GRM6: variants seen among roughly 807,000 people sequenced by gnomAD.
GRM6 encodes glutamate metabotropic receptor 6, also known as metabotropic glutamate receptor 6.
Under a neutral mutation model 78.4 loss-of-function variants are expected in GRM6, and 73 were observed. The observed-to-expected ratio is 0.93, with a 90% CI of 0.77 to 1.13. The LOEUF (loss-of-function observed/expected upper bound fraction) is 1.13, where lower values mean the gene tolerates loss of function less well. GRM6 is among the 50% of genes most tolerant of loss of function. GRM6 has a pLI of 0.00. For synonymous variants in GRM6, 580 were observed against 555.0 expected (o/e 1.05, Z -0.63); for missense variants, 1,251 against 1,256.4 (o/e 1.00, Z 0.07).
rs770999753 is a variant in GRM6 at position 178,994,666 on chromosome 5, C to G, written c.279G>C (p.Ala93=). The change falls in exon 2 of 11, where the codon GCG becomes GCC. Residue 93 remains alanine (A), a synonymous_variant. Coordinates refer to ENST00000517717, the MANE Select transcript of GRM6 (RefSeq NM_000843.4). The part of the protein sequence containing the change: ...PELLPGVRLG[A]RLLDTCSRDT... ...CCCGCGAGCAGGTGTCCAGCAGCCG[C>G]GCGCCCAGGCGCACGCCGGGCAGCA... The G allele has an allele frequency of 6.8e-7, 1 of 1,467,166 alleles. No individual in the cohort carries two copies. Among genetic ancestry groups the G allele is most frequent in the South Asian group, 1.3e-5 (1 of 78,262 alleles). 90.9% of individuals were successfully genotyped at this position (1,467,166 alleles called of 1,614,324 possible).
At chr5:178,989,805 C>A in intron 5 of GRM6, 1 of 328,354 alleles carries the variant, frequency 3.0e-6, no homozygotes, top group South Asian at 2.8e-5. Flanking sequence ...GACTATGAGA[C>A]CATAAGCAGG....
In GRM6 at chr5:178,981,782, C is replaced by G; in HGVS notation, c.2509G>C (p.Val837Leu). 1 of 1,612,850 alleles carries G rather than the reference C, an allele frequency of 6.2e-7. No homozygotes were observed. Among genetic ancestry groups the G allele is most frequent in the Non-Finnish European group, 8.5e-7 (1 of 1,178,870 alleles). The part of the protein sequence containing the change: ...SASVSLGMLY[V>L]PKTYVILFHP... ...AAGAGGATGACGTAGGTTTTGGGTACGTAGAGCATGCCGAGGGACACCGAG... is the reference window on the plus strand; with the variant it reads ...AAGAGGATGACGTAGGTTTTGGGTAGGTAGAGCATGCCGAGGGACACCGAG... The change falls in exon 11 of 11, where the codon GTA becomes CTA. Residue 837 changes from valine (V) to leucine (L), a missense_variant. Coordinates refer to ENST00000517717, the MANE Select transcript of GRM6 (RefSeq NM_000843.4). The surrounding 1 kb of genome is among the most constrained non-coding windows in gnomAD (Gnocchi z 5.1).
At position 178,981,213 on chromosome 5, in the gene GRM6, A is replaced by G. The variant is rs1284699127; in HGVS notation, c.*444T>C. ...GCCCCAGGTCTCCTCTTGCTGAGAC[A>G]GCTCCTCCTCCACTCCAACCCCATG... On this transcript the variant is annotated 3_prime_UTR_variant, in exon 11 of 11. Transcript: ENST00000517717. This position sits in a 1 kb window ranked among gnomAD's most constrained non-coding sequence, Gnocchi z 5.1. 1.0e-5 allele frequency: 2 copies of G among 192,014 alleles called. No homozygotes were observed. Among genetic ancestry groups the G allele is most frequent in the Non-Finnish European group, 2.2e-5 (2 of 92,418 alleles). The allele number at this position is 192,014 out of a possible 1,614,324, so 11.9% of individuals were successfully genotyped here.
chr5:178,991,513 C>G lies in GRM6; in HGVS notation c.768G>C (p.Lys256Asn), dbSNP rs754758541. 6.2e-7 allele frequency: 1 copy of G among 1,613,762 alleles called. No homozygotes were observed. The highest frequency in any genetic ancestry group is 8.5e-7 in the Non-Finnish European group (1 of 1,179,856). The change falls in exon 4 of 11, where the codon AAG becomes AAC. Residue 256 changes from lysine to asparagine, a missense_variant. Lys to Asn is a moderately conservative substitution (Grantham distance 94). Coordinates refer to ENST00000517717, the MANE Select transcript of GRM6 (RefSeq NM_000843.4). The surrounding 1 kb of genome is among the most constrained non-coding windows in gnomAD (Gnocchi z 5.0). Reference protein sequence around the residue: ...AQSIKIPREPKPGEFSKVIRR... With the variant: ...AQSIKIPREPNPGEFSKVIRR... ...TGATCACCTTGCTGAACTCTCCTGG[C>G]TTTGGTTCCCTGGGAATCTTGATAG...
At position 178,991,598 on chromosome 5, in the gene GRM6, C is replaced by G. The variant is rs2113342410; in HGVS notation, c.722-39G>C. 4 of 1,610,028 alleles carry G rather than the reference C, an allele frequency of 2.5e-6. No individual in the cohort carries two copies. The highest frequency in any genetic ancestry group is 3.4e-6 in the Non-Finnish European group (4 of 1,176,806). ...GTGCCAGAGTCAGCTTCCGTCCCACCCACCCACACACCCACCTGGCCACCG... is the reference window on the plus strand; with the variant it reads ...GTGCCAGAGTCAGCTTCCGTCCCACGCACCCACACACCCACCTGGCCACCG... On this transcript the variant is annotated intron_variant, in intron 3 of 10. Transcript: ENST00000517717. This position sits in a 1 kb window ranked among gnomAD's most constrained non-coding sequence, Gnocchi z 5.0.
rs62638200 is a variant in GRM6, at chr5:178,994,609, G to C, written c.336C>G (p.Phe112Leu). ...DTYALEQALS[F>L]VQALIRGRGD... ...CGCGGCCGCGGATCAGCGCCTGCAC[G>C]AAGCTCAGCGCCTGCTCCAGCGCGT... The change falls in exon 2 of 11, where the codon TTC becomes TTG. Residue 112 changes from phenylalanine (F) to leucine (L), a missense_variant. Transcript: ENST00000517717. 2.1e-6 allele frequency: 3 copies of C among 1,430,740 alleles called. No homozygotes were observed. Among genetic ancestry groups the C allele is most frequent in the Non-Finnish European group, 2.7e-6 (3 of 1,093,114 alleles). 88.6% of individuals were successfully genotyped at this position (1,430,740 alleles called of 1,614,324 possible).
chr5:178,982,734 G>A (rs996060592), intron 10 of GRM6, 176 bp downstream of exon 10: 44 of 582,130 alleles, frequency 7.6e-5, no homozygotes, highest in Admixed American at 1.2e-4. Context: ...GTTAAGAAGA[G>A]GGGTTAGAAG....
rs192606239 is a variant in GRM6, at chr5:178,985,619, C to A, written c.2124+511G>T. On this transcript the variant is annotated intron_variant, in intron 9 of 10. Coordinates refer to ENST00000517717, the MANE Select transcript of GRM6 (RefSeq NM_000843.4). ...TCGGGAGGCTGAGGCAGGAGAATGG[C>A]GTGAACCCGGAAGGCAGAGCTTGCA... is the stretch of plus-strand genomic sequence containing the variant. The A allele has an allele frequency of 4.2e-5, 15 of 360,070 alleles. 1 individual carries two copies. The Middle Eastern group carries it at 2.6e-3, about 63-fold the overall frequency. 22.3% of individuals were successfully genotyped at this position (360,070 alleles called of 1,614,324 possible). A position where few individuals can be genotyped will look rare whatever the true frequency, so the allele number is the denominator to read the frequency against.
At chr5:178,986,056 C>T (rs1760533639) in intron 9 of GRM6, 74 bp downstream of exon 9, 1 of 1,399,950 alleles carries the variant, frequency 7.1e-7, no homozygotes, top group Non-Finnish European at 9.8e-7. Context: ...GCCACTGTGC[C>T]TGGCCCTTTT....
At position 178,988,978 on chromosome 5, in the gene GRM6, A is replaced by G; in HGVS notation, c.1311T>C (p.Asp437=). Reference sequence around the variant, plus strand: ...GAATGTACTGCAGAAGCATCCGCCCATCAGTGGGTTCCATCGCCGGGCACA... The same window carrying G: ...GAATGTACTGCAGAAGCATCCGCCCGTCAGTGGGTTCCATCGCCGGGCACA... ...TGLCPAMEPT[D]GRMLLQYIRA... is the part of the protein sequence containing the mutation. The change falls in exon 7 of 11, where the codon GAT becomes GAC. Residue 437 remains aspartate, a synonymous_variant. Coordinates refer to ENST00000517717, the MANE Select transcript of GRM6 (RefSeq NM_000843.4). This position sits in a 1 kb window ranked among gnomAD's most constrained non-coding sequence, Gnocchi z 6.0. 1.2e-6 allele frequency: 2 copies of G among 1,614,018 alleles called. No individual in the cohort carries two copies. The highest frequency in any genetic ancestry group is 8.5e-7 in the Non-Finnish European group (1 of 1,179,974).
At position 178,986,746 on chromosome 5, in the gene GRM6, G is replaced by T. The variant is rs370684140; in HGVS notation, c.1508C>A (p.Ala503Asp). The stretch of plus-strand genomic sequence containing the variant: ...GTGGGGGTCGCCAGACCACTGCAGG[G>T]CCTCCACCTGGGACGCACAAAACAC... ...WAETLRLDVE[A>D]LQWSGDPHEV... The change falls in exon 9 of 11, where the codon GCC (alanine) becomes GAC (aspartate). Residue 503 changes from alanine to aspartate, a missense_variant. Transcript: ENST00000517717. 4 of 1,607,370 alleles carry T rather than the reference G, an allele frequency of 2.5e-6. No homozygotes were observed. Among genetic ancestry groups the T allele is most frequent in the African/African-American group, 1.3e-5 (1 of 74,928 alleles).
intron 5 of GRM6, chr5:178,989,739 C>G (rs1446722746): frequency 2.4e-6 from 1 of 408,834 alleles, no homozygotes; most frequent in African/African-American, 2.0e-5. Context: ...CTCCTTCTTT[C>G]CTGTTAGGAT....
Position 178,989,065 on chromosome 5 carries a change from C to T in GRM6, c.1224G>A (p.Val408=), listed in dbSNP as rs777720380. Residue 408 remains valine (V), a synonymous_variant, in exon 7 of 11, where the codon GTG becomes GTA. Transcript: ENST00000517717. ...EGKVQFVIDA[V]YAIAHALHSM... ...TGTGGAGGGCGTGGGCAATGGCGTA[C>T]ACCGCATCAATCACAAACTGCACCT... is the stretch of plus-strand genomic sequence containing the variant. The T allele has an allele frequency of 3.1e-6, 5 of 1,613,990 alleles. No homozygotes were observed. The highest frequency in any genetic ancestry group is 4.2e-6 in the Non-Finnish European group (5 of 1,179,878).
chr5:178,979,721 T>C lies in GRM6; in HGVS notation c.*1936A>G, dbSNP rs1760350543. 1 of 152,136 alleles carries C rather than the reference T, an allele frequency of 6.6e-6. No individual in the cohort carries two copies. Among genetic ancestry groups the C allele is most frequent in the South Asian group, 2.1e-4 (1 of 4,826 alleles). 9.4% of individuals were successfully genotyped at this position (152,136 alleles called of 1,614,324 possible). A position where few individuals can be genotyped will look rare whatever the true frequency, so the allele number is the denominator to read the frequency against. ...CATGAATGTAAAACTGTGGAAAAGT[T>C]TTCAGCTAGAAGCCAGAGCGCACTG... On this transcript the variant is annotated 3_prime_UTR_variant, in exon 11 of 11. Transcript: ENST00000517717.
Position 178,985,639 on chromosome 5 carries a change from C to G in GRM6, c.2124+491G>C, listed in dbSNP as rs566176353. Reference sequence around the variant, plus strand: ...AATGGCGTGAACCCGGAAGGCAGAGCTTGCAGGGAGCTGAGATAGTGCCAC... The same window carrying G: ...AATGGCGTGAACCCGGAAGGCAGAGGTTGCAGGGAGCTGAGATAGTGCCAC... On this transcript the variant is annotated intron_variant, in intron 9 of 10. Transcript: ENST00000517717. 25 of 375,022 alleles carry G rather than the reference C, an allele frequency of 6.7e-5. No individual in the cohort carries two copies. In the East Asian group the frequency reaches 9.5e-4, roughly 14 times the overall value. The allele number at this position is 375,022 out of a possible 1,614,324, so 23.2% of individuals were successfully genotyped here. A position where few individuals can be genotyped will look rare whatever the true frequency, so the allele number is the denominator to read the frequency against.
chr5:178,994,315 C>A, intron 2 of GRM6, 126 bp downstream of exon 2: 9 of 801,492 alleles, frequency 1.1e-5, no homozygotes, highest in Non-Finnish European at 1.6e-5. Context: ...TTCTTTGACG[C>A]TGTGTGAATT....
In GRM6 at chr5:178,981,995, A is replaced by G. The variant is rs1760404551; in HGVS notation, c.2437-141T>C. The G allele has an allele frequency of 6.6e-6, 5 of 756,826 alleles. No homozygotes were observed. The East Asian group carries it at 1.2e-4, about 19-fold the overall frequency. 46.9% of individuals were successfully genotyped at this position (756,826 alleles called of 1,614,324 possible). A position where few individuals can be genotyped will look rare whatever the true frequency, so the allele number is the denominator to read the frequency against. ...TGAGCACTTAGACCAGGACAACAGT[A>G]TGAGCAGGGGCCCCGCGCCTGAGGG... On this transcript the variant is annotated intron_variant, in intron 10 of 10. Coordinates refer to ENST00000517717, the MANE Select transcript of GRM6 (RefSeq NM_000843.4). This position sits in a 1 kb window ranked among gnomAD's most constrained non-coding sequence, Gnocchi z 5.1.
Position 178,994,537 on chromosome 5 carries a change from C to T in GRM6, c.408G>A (p.Pro136=). ...VGVRCPGGVP[P]LRPAPPERVV... ...CGCGCTCGGGGGGCGCGGGGCGCAG[C>T]GGAGGGACGCCTCCCGGGCAGCGCA... The change falls in exon 2 of 11, where the codon CCG becomes CCA. Residue 136 remains proline, a synonymous_variant. Coordinates refer to ENST00000517717, the MANE Select transcript of GRM6 (RefSeq NM_000843.4). The T allele has an allele frequency of 1.5e-6, 2 of 1,373,334 alleles. No homozygotes were observed. The highest frequency in any genetic ancestry group is 1.9e-6 in the Non-Finnish European group (2 of 1,070,530). 85.1% of individuals were successfully genotyped at this position (1,373,334 alleles called of 1,614,324 possible).
intron 9 of GRM6, 24 bp downstream of exon 9, chr5:178,986,106 G>A (rs1246358645): frequency 6.2e-7 from 1 of 1,607,370 alleles, no homozygotes; most frequent in Non-Finnish European, 8.5e-7. Context: ...CCCTGCCCTG[G>A]CCCTTGGGAG....
Sources: allele counts gnomAD v4.1 joint callset, GRCh38; gene constraint gnomAD v4.1.1; non-coding constraint Gnocchi (gnomAD v3.1); transcripts MANE v1.5; gene names NCBI Gene and HGNC (gene_info 2026-07-23, HGNC 2026-07-21).